The following EVI5 variants were observed in gnomAD, a reference collection of about 807,000 sequenced individuals.
The protein encoded by EVI5 is ecotropic viral integration site 5, also known as ecotropic viral integration site 5 protein homolog.
EVI5 carries 73 observed loss-of-function variants against 112.0 expected under a neutral mutation model. The observed-to-expected ratio is 0.65, with a 90% confidence interval of 0.54 to 0.79. The LOEUF is 0.79. Ranked by LOEUF, EVI5 falls within the 30% of genes least tolerant of loss-of-function variation. The probability of loss-of-function intolerance (pLI) is 0.00; values close to 1 mark genes in which losing one functional copy is unlikely to be tolerated. For missense variants in EVI5, 900 were observed against 968.8 expected (o/e 0.93, Z 0.94); for synonymous variants, 305 against 319.9 (o/e 0.95, Z 0.50).
At chr1:92,657,497 T>C (rs1335235494) in intron 13 of EVI5, among the ~76,000 whole-genome samples, 1 of 152,000 alleles carries the variant, frequency 6.6e-6, no homozygotes, top group East Asian at 1.9e-4. Flanking sequence ...AACCCATCTC[T>C]ACAAAAAATT....
In EVI5 at chr1:92,569,825, G is replaced by A. The variant is rs559182938; in HGVS notation, c.2071-6088C>T. ...GCCGAGATTGCGCCACTGCACTCCA[G>A]CCTGGCGATGGAGGGAGACTCCATC... On this transcript the variant is annotated intron_variant, in intron 18 of 19. Transcript: ENST00000684568. 2.3e-5 allele frequency among the ~76,000 whole-genome samples: 3 copies of A among 130,816 alleles called. No individual in the cohort carries two copies. In the East Asian group the frequency reaches 6.6e-4, roughly 29 times the overall value. 85.8% of individuals were successfully genotyped at this position (130,816 alleles called of 152,430 possible).
intron 15 of EVI5, 38 bp from the exon 16 acceptor site, chr1:92,624,372 A>C (rs1655195413): frequency 6.4e-7 from 1 of 1,567,392 alleles, no homozygotes; most frequent in Admixed American, 1.7e-5. Flanking sequence ...AAATACTCTC[A>C]GTATCAAAAT....
At chr1:92,727,735 T>C (rs190812721) in intron 2 of EVI5, among the ~76,000 whole-genome samples, 1 of 152,248 alleles carries the variant, frequency 6.6e-6, no homozygotes, top group East Asian at 1.9e-4. Context: ...AAAGATTTTT[T>C]CTAGGTATGA....
At chr1:92,618,378 C>A (rs1653706637) in intron 16 of EVI5, among the ~76,000 whole-genome samples, 1 of 152,182 alleles carries the variant, frequency 6.6e-6, no homozygotes, top group Non-Finnish European at 1.5e-5. Flanking sequence ...AAGATTGCCA[C>A]CTGGACACTT....
chr1:92,596,209 A>T (rs1647815439), intron 18 of EVI5, among the ~76,000 whole-genome samples: 1 of 151,998 alleles, frequency 6.6e-6, no homozygotes. Flanking sequence ...AAAAATACAA[A>T]AATTAGCCGG....
chr1:92,674,536 G>C (rs150826653), intron 10 of EVI5, among the ~76,000 whole-genome samples: 24 of 152,212 alleles, frequency 1.6e-4, no homozygotes, highest in African/African-American at 5.1e-4. Context: ...GGGCCTGTCA[G>C]GGGGTGGAGG....
At chr1:92,738,535 T>C (rs984076168) in intron 1 of EVI5, among the ~76,000 whole-genome samples, 1 of 152,178 alleles carries the variant, frequency 6.6e-6, no homozygotes, top group African/African-American at 2.4e-5. Flanking sequence ...ATTGCTTTAT[T>C]AAAAGAAATT....
intron 19 of EVI5, among the ~76,000 whole-genome samples, chr1:92,534,833 T>C (rs1663566132): frequency 6.6e-6 from 1 of 152,140 alleles, no homozygotes; most frequent in Non-Finnish European, 1.5e-5. Context: ...GAAGAAAACC[T>C]AGGCAATACC....
At chr1:92,579,046 A>C (rs559380464) in intron 18 of EVI5, among the ~76,000 whole-genome samples, 1 of 152,184 alleles carries the variant, frequency 6.6e-6, no homozygotes, top group Non-Finnish European at 1.5e-5. Context: ...TTTGAGACAG[A>C]TCATAGCAGG....
intron 13 of EVI5, among the ~76,000 whole-genome samples, chr1:92,650,585 A>G (rs1372266919): frequency 6.6e-6 from 1 of 152,014 alleles, no homozygotes; most frequent in African/African-American, 2.4e-5. Flanking sequence ...TTTTTATCCA[A>G]TCTTATAATT....
chr1:92,671,972 G>GAA (rs145955280), intron 10 of EVI5, among the ~76,000 whole-genome samples: 14 of 148,108 alleles, frequency 9.5e-5, no homozygotes, highest in African/African-American at 3.5e-4. Flanking sequence ...CTGGCAATTT[G>GAA]AAAAAAAAAA....
intron 2 of EVI5, among the ~76,000 whole-genome samples, chr1:92,708,951 G>A (rs1420210005): frequency 1.3e-5 from 2 of 152,100 alleles, no homozygotes; most frequent in East Asian, 3.8e-4. Context: ...AGGAGTGAAG[G>A]TAGTCAGGAA....
At chr1:92,552,320 G>C (rs1275329602) in intron 19 of EVI5, among the ~76,000 whole-genome samples, 2 of 152,136 alleles carry the variant, frequency 1.3e-5, no homozygotes, top group Non-Finnish European at 2.9e-5. Context: ...AATTCAGCTT[G>C]ACTCTGAACA....
At chr1:92,683,590 T>C (rs955893080) in intron 9 of EVI5, among the ~76,000 whole-genome samples, 3 of 152,150 alleles carry the variant, frequency 2.0e-5, no homozygotes, top group Non-Finnish European at 1.5e-5. Context: ...CTTCAGAAGG[T>C]AGGTAATAAC....
chr1:92,593,095 A>G (rs1674271566), intron 18 of EVI5, among the ~76,000 whole-genome samples: 1 of 152,194 alleles, frequency 6.6e-6, no homozygotes, highest in East Asian at 1.9e-4. Flanking sequence ...CCTGATACCA[A>G]AGCCTGGCAG....
intron 19 of EVI5, among the ~76,000 whole-genome samples, chr1:92,538,073 G>A (rs1353850199): frequency 3.9e-5 from 6 of 152,130 alleles, no homozygotes; most frequent in Non-Finnish European, 7.4e-5. Flanking sequence ...GAAGAAGAGA[G>A]GGGGAGTCAT....
At position 92,551,040 on chromosome 1, in the gene EVI5, C is replaced by CTTTTTTTTTTTTTTT. The variant is rs55898086; in HGVS notation, c.2166+12587_2166+12601dup. 1.9e-3 allele frequency among the ~76,000 whole-genome samples: 156 copies of CTTTTTTTTTTTTTTT among 80,716 alleles called. 3 individuals carry two copies. Among genetic ancestry groups the CTTTTTTTTTTTTTTT allele is most frequent in the East Asian group, 4.2e-3 (9 of 2,164 alleles). The allele number at this position is 80,716 out of a possible 152,430, so 53.0% of individuals were successfully genotyped here. ...TCTTTTTTCTTTTCTTTCTTTCTTT[C>CTTTTTTTTTTTTTTT]TTTTTTTTTTTTTTTTTTTTGAGAC... On this transcript the variant is annotated intron_variant, in intron 19 of 19. Transcript: ENST00000684568.
At chr1:92,602,160 G>C (rs1314437116) in intron 18 of EVI5, among the ~76,000 whole-genome samples, 1 of 152,054 alleles carries the variant, frequency 6.6e-6, no homozygotes, top group Non-Finnish European at 1.5e-5. Context: ...TAATATGTAA[G>C]TTTGGAAATT....
chr1:92,692,649 C>A (rs538419517), intron 9 of EVI5, among the ~76,000 whole-genome samples: 2 of 152,140 alleles, frequency 1.3e-5, no homozygotes, highest in African/African-American at 4.8e-5. Flanking sequence ...CCTCAGCCTC[C>A]GGAGTAGCTG....
Sources: gnomAD v4.1 joint callset for allele counts (sites outside exome capture counted in the v4.1 genomes callset) on GRCh38, gnomAD v4.1.1 for gene constraint, MANE v1.5 for transcripts, NCBI Gene and HGNC (gene_info 2026-07-23, HGNC 2026-07-21) for gene names.